The following ADCYAP1R1 variants were observed in gnomAD, a reference collection of about 807,000 sequenced individuals.
The protein encoded by ADCYAP1R1 is ADCYAP receptor type I.
A neutral mutation model predicts 67.6 loss-of-function variants in ADCYAP1R1; 44 were observed. The ratio of observed to expected loss-of-function variants is 0.65; its 90% CI spans 0.51 to 0.84. The LOEUF is 0.84. Ranked by LOEUF, ADCYAP1R1 falls within the 40% of genes least tolerant of loss-of-function variation. The probability of loss-of-function intolerance (pLI) is 0.00; values close to 1 mark genes in which losing one functional copy is unlikely to be tolerated. For synonymous variants in ADCYAP1R1, 222 were observed against 219.6 expected, an observed-to-expected ratio of 1.01 and a Z score of -0.10; for missense variants, 477 against 587.9, an observed-to-expected ratio of 0.81 and a Z score of 1.95.
intron 3 of ADCYAP1R1, among the ~76,000 whole-genome samples, chr7:31,071,300 G>C (rs1395974788): frequency 6.6e-6 from 1 of 152,116 alleles, no homozygotes; most frequent in Non-Finnish European, 1.5e-5. Context: ...ACACTTCACT[G>C]CCACTCCTGG....
chr7:31,063,519 TG>T (rs1794601017), intron 2 of ADCYAP1R1, among the ~76,000 whole-genome samples: 1 of 152,196 alleles, frequency 6.6e-6, no homozygotes, highest in Admixed American at 6.5e-5. Flanking sequence ...TGACCAGAAA[TG>T]ATTACAAAAT....
intron 5 of ADCYAP1R1, among the ~76,000 whole-genome samples, chr7:31,081,349 T>G (rs1376504090): frequency 1.3e-5 from 2 of 152,164 alleles, no homozygotes; most frequent in African/African-American, 4.8e-5. Context: ...GGGCCCACGT[T>G]GCTGTGGTTT....
At chr7:31,085,489 G>C in intron 9 of ADCYAP1R1, 47 bp downstream of exon 9, 1 of 1,574,306 alleles carries the variant, frequency 6.4e-7, no homozygotes, top group Non-Finnish European at 8.6e-7. Flanking sequence ...GGAAGGTCCC[G>C]CACCATCCCC....
intron 3 of ADCYAP1R1, among the ~76,000 whole-genome samples, chr7:31,073,593 G>A (rs994907965): frequency 6.6e-6 from 1 of 152,184 alleles, no homozygotes; most frequent in Non-Finnish European, 1.5e-5. Flanking sequence ...AAAGGGGCCT[G>A]GAAGGATTCA....
chr7:31,055,328 AGTG>A (rs1794193090), intron 1 of ADCYAP1R1, among the ~76,000 whole-genome samples: 1 of 148,414 alleles, frequency 6.7e-6, no homozygotes, highest in South Asian at 2.2e-4. Context: ...AATGGAGGAA[AGTG>A]TGTGTGTGTG....
At chr7:31,097,562 C>G (rs1796249189) in intron 13 of ADCYAP1R1, among the ~76,000 whole-genome samples, 1 of 152,222 alleles carries the variant, frequency 6.6e-6, no homozygotes, top group Non-Finnish European at 1.5e-5. Context: ...TCTGCCCTCC[C>G]TGACCCCCAT....
At chr7:31,085,525 T>C in intron 9 of ADCYAP1R1, 83 bp downstream of exon 9, 1 of 1,463,770 alleles carries the variant, frequency 6.8e-7, no homozygotes, top group African/African-American at 1.4e-5. Context: ...GCACATTACC[T>C]GCCTGACACC....
At chr7:31,095,344 G>A (rs193052722) in intron 13 of ADCYAP1R1, among the ~76,000 whole-genome samples, 33 of 152,290 alleles carry the variant, frequency 2.2e-4, no homozygotes, top group Non-Finnish European at 3.4e-4. Flanking sequence ...TGTCCTCAAG[G>A]AATGCACAGA....
intron 12 of ADCYAP1R1, among the ~76,000 whole-genome samples, chr7:31,089,692 C>G (rs1406103104): frequency 2.0e-5 from 3 of 152,142 alleles, no homozygotes; most frequent in African/African-American, 7.2e-5. Flanking sequence ...TCTCAATGAG[C>G]AAGGTACAAG....
intron 12 of ADCYAP1R1, 93 bp from the exon 13 acceptor site, chr7:31,092,551 A>T: frequency 1.1e-6 from 1 of 903,198 alleles, no homozygotes; most frequent in Non-Finnish European, 1.8e-6. Flanking sequence ...TGTAGATGGG[A>T]TCTTGACTAG....
chr7:31,101,682 T>C (rs912352761), intron 13 of ADCYAP1R1, among the ~76,000 whole-genome samples: 10 of 152,204 alleles, frequency 6.6e-5, no homozygotes, highest in Admixed American at 6.5e-4. Flanking sequence ...AATTCAGTTT[T>C]GAGGATGCTG....
At chr7:31,103,974 G>A (rs996235756) in intron 14 of ADCYAP1R1, among the ~76,000 whole-genome samples, 1 of 152,216 alleles carries the variant, frequency 6.6e-6, no homozygotes, top group Non-Finnish European at 1.5e-5. Flanking sequence ...AGTGTCTGGG[G>A]ATAGAGCGCC....
intron 12 of ADCYAP1R1, among the ~76,000 whole-genome samples, chr7:31,090,628 G>A (rs112995385): frequency 0.012 from 1,801 of 152,266 alleles, 36 homozygotes; most frequent in African/African-American, 0.041. Flanking sequence ...GTCCATGAGT[G>A]CTCAATGTTT....
Position 31,104,873 on chromosome 7 carries a change from T to C in ADCYAP1R1, c.1182T>C (p.Phe394=), listed in dbSNP as rs753411748. The part of the protein sequence containing the change: ...FELGLGSFQG[F]VVAVLYCFLN... The stretch of plus-strand genomic sequence containing the variant: ...CTTATTTTCTCTATTCCCAGGGCTT[T>C]GTGGTGGCTGTTCTCTACTGTTTTC... Residue 394 remains phenylalanine, a synonymous_variant, in exon 15 of 16, where the codon TTT becomes TTC. Coordinates refer to ENST00000304166, the MANE Select transcript of ADCYAP1R1 (RefSeq NM_001118.5). 1 of 1,614,212 alleles carries C rather than the reference T, an allele frequency of 6.2e-7. No individual in the cohort carries two copies. The highest frequency in any genetic ancestry group is 1.7e-5 in the Admixed American group (1 of 60,028).
chr7:31,085,635 G>A (rs779089446), intron 9 of ADCYAP1R1, among the ~76,000 whole-genome samples, 193 bp downstream of exon 9: 1 of 152,162 alleles, frequency 6.6e-6, no homozygotes, highest in Non-Finnish European at 1.5e-5. Context: ...ATGAGCCAAT[G>A]TACGACATCA....
At chr7:31,077,679 GGT>G (rs999878930) in intron 3 of ADCYAP1R1, among the ~76,000 whole-genome samples, 9 of 130,060 alleles carry the variant, frequency 6.9e-5, no homozygotes, top group African/African-American at 1.8e-4. Context: ...ATGTGTGAGT[GGT>G]GTGTGGTGTG....
At chr7:31,089,601 C>T (rs748523023) in intron 12 of ADCYAP1R1, among the ~76,000 whole-genome samples, 1 of 152,094 alleles carries the variant, frequency 6.6e-6, no homozygotes, top group African/African-American at 2.4e-5. Context: ...TACGTGAATA[C>T]GTCCTTAGAA....
chr7:31,054,850 T>A (rs939250087), intron 1 of ADCYAP1R1, among the ~76,000 whole-genome samples: 1 of 152,076 alleles, frequency 6.6e-6, no homozygotes, highest in African/African-American at 2.4e-5. Context: ...CCTGGGCAGG[T>A]TTGTGAGCAG....
At chr7:31,067,789 A>T (rs1489746784) in intron 3 of ADCYAP1R1, among the ~76,000 whole-genome samples, 1 of 152,204 alleles carries the variant, frequency 6.6e-6, no homozygotes, top group East Asian at 1.9e-4. Flanking sequence ...ACATAGGATT[A>T]TTGCATTAAG....
Sources: gnomAD v4.1 joint callset for allele counts (sites outside exome capture counted in the v4.1 genomes callset) on GRCh38, gnomAD v4.1.1 for gene constraint, MANE v1.5 for transcripts, NCBI Gene and HGNC (gene_info 2026-07-23, HGNC 2026-07-21) for gene names.